Variants in CFAP57 observed in about 807,000 individuals in gnomAD.
The protein encoded by CFAP57 is cilia- and flagella-associated protein 57.
In CFAP57, 116 loss-of-function variants were observed where a neutral mutation model predicts 146.8. The ratio of observed to expected loss-of-function variants is 0.79; its 90% CI spans 0.68 to 0.92. CFAP57 has a LOEUF of 0.92. Among genes scored for constraint, CFAP57 ranks in the 40% least tolerant of loss-of-function variants. The probability of loss-of-function intolerance (pLI) is 0.00; values close to 1 mark genes in which losing one functional copy is unlikely to be tolerated. For missense variants in CFAP57, 1,377 were observed against 1,527.2 expected, an observed-to-expected ratio of 0.90 and a Z score of 1.64; for synonymous variants, 518 against 552.8, an observed-to-expected ratio of 0.94 and a Z score of 0.88.
chr1:43,197,414 A>G, intron 6 of CFAP57, 139 bp from the exon 7 acceptor site: 1 of 912,944 alleles, frequency 1.1e-6, no homozygotes, highest in East Asian at 2.5e-5. Flanking sequence ...GAAAATATGC[A>G]TAATATTCAA....
intron 5 of CFAP57, among the ~76,000 whole-genome samples, chr1:43,186,441 C>T (rs1320946459): frequency 6.6e-6 from 1 of 151,898 alleles, no homozygotes; most frequent in Non-Finnish European, 1.5e-5. Context: ...GAAACCCTGT[C>T]TCTACTAAAA....
intron 14 of CFAP57, 86 bp from the exon 15 acceptor site, chr1:43,222,019 G>A (rs918856595): frequency 1.3e-5 from 15 of 1,188,422 alleles, no homozygotes; most frequent in Admixed American, 6.7e-5. Context: ...GGTGCTGGAA[G>A]GGATGGGAGA....
At chr1:43,175,918 T>C (rs1460476455) in intron 2 of CFAP57, among the ~76,000 whole-genome samples, 1 of 151,838 alleles carries the variant, frequency 6.6e-6, no homozygotes, top group African/African-American at 2.4e-5. Flanking sequence ...AGTTCATTGC[T>C]TCTCTTTTCT....
intron 10 of CFAP57, among the ~76,000 whole-genome samples, chr1:43,209,415 G>C (rs927132003): frequency 6.6e-6 from 1 of 152,214 alleles, no homozygotes; most frequent in African/African-American, 2.4e-5. Context: ...CTGCCTCAGA[G>C]GGTTTCGTGA....
chr1:43,249,522 C>T lies in CFAP57; in HGVS notation c.3539-4455C>T, dbSNP rs563966374. On this transcript the variant is annotated intron_variant, in intron 22 of 22. Coordinates refer to ENST00000372492, the MANE Select transcript of CFAP57 (RefSeq NM_001378189.1). The stretch of plus-strand genomic sequence containing the variant: ...TCGGCTCACTGCAACCTCTGCCTCC[C>T]GGGTTCAAGCAATTCTCCTGCCTCA... Among the ~76,000 whole-genome samples the T allele has an allele frequency of 6.3e-4, 92 of 146,756 alleles. 2 individuals are homozygous for T. Among genetic ancestry groups the T allele is most frequent in the Middle Eastern group, 7.1e-3 (2 of 282 alleles).
intron 22 of CFAP57, among the ~76,000 whole-genome samples, chr1:43,249,088 G>T (rs867340929): frequency 1.3e-5 from 2 of 148,500 alleles, no homozygotes; most frequent in Middle Eastern, 3.4e-3. Context: ...TAGAGACGAG[G>T]TTTCACCATG....
At chr1:43,178,543 A>C (rs1392463203) in intron 2 of CFAP57, among the ~76,000 whole-genome samples, 2 of 152,266 alleles carry the variant, frequency 1.3e-5, no homozygotes, top group Non-Finnish European at 2.9e-5. Flanking sequence ...AATGCTCATC[A>C]TTACTGGCCA....
At chr1:43,202,146 T>TA (rs1353616855) in intron 9 of CFAP57, among the ~76,000 whole-genome samples, 1 of 152,180 alleles carries the variant, frequency 6.6e-6, no homozygotes, top group African/African-American at 2.4e-5. Flanking sequence ...CAAATACAGA[T>TA]ACAGGATGCA....
intron 13 of CFAP57, among the ~76,000 whole-genome samples, chr1:43,221,095 GA>G (rs549158442): frequency 0.034 from 5,228 of 152,254 alleles, 123 homozygotes; most frequent in Admixed American, 0.043. Context: ...TTTTCACCCA[GA>G]AGTCCTTTTG....
intron 22 of CFAP57, among the ~76,000 whole-genome samples, chr1:43,248,637 T>C (rs919739072): frequency 1.3e-5 from 2 of 152,074 alleles, no homozygotes; most frequent in Non-Finnish European, 2.9e-5. Flanking sequence ...AATTTTCATG[T>C]CCATAATTTG....
Position 43,199,510 on chromosome 1 carries a change from G to A in CFAP57, c.1542+7G>A. 6 of 1,613,820 alleles carry A rather than the reference G, an allele frequency of 3.7e-6. No homozygotes were observed. Among genetic ancestry groups the A allele is most frequent in the Non-Finnish European group, 5.1e-6 (6 of 1,179,710 alleles). On this transcript the variant is annotated splice_region_variant and intron_variant, in intron 9 of 22. Transcript: ENST00000372492. ...GAAAGGACACACAGGGAAGGTAAGTGAGTGAACAGTCTCTGGGGAAACAAG... is the reference window on the plus strand; with the variant it reads ...GAAAGGACACACAGGGAAGGTAAGTAAGTGAACAGTCTCTGGGGAAACAAG...
chr1:43,191,095 G>A (rs551115761), intron 6 of CFAP57, among the ~76,000 whole-genome samples: 1 of 151,896 alleles, frequency 6.6e-6, no homozygotes, highest in Non-Finnish European at 1.5e-5. Flanking sequence ...TCTGGGCCTG[G>A]GCTTTTCTTT....
At chr1:43,209,576 T>C (rs1644504277) in intron 10 of CFAP57, among the ~76,000 whole-genome samples, 167 bp from the exon 11 acceptor site, 1 of 152,184 alleles carries the variant, frequency 6.6e-6, no homozygotes, top group Admixed American at 6.5e-5. Flanking sequence ...AGTTTGCGCC[T>C]TTTTTTGTGC....
rs1464267954 is a variant in CFAP57 at position 43,248,814 on chromosome 1, T to C, written c.3539-5163T>C. 2.0e-5 allele frequency among the ~76,000 whole-genome samples: 3 copies of C among 152,118 alleles called. No homozygotes were observed. The East Asian group carries it at 5.8e-4, about 29-fold the overall frequency. ...AAGCAAGAAATCCTGAACTATCAGATATGAGCATTTTATACATGAGAACAA... is the reference window on the plus strand; with the variant it reads ...AAGCAAGAAATCCTGAACTATCAGACATGAGCATTTTATACATGAGAACAA... On this transcript the variant is annotated intron_variant, in intron 22 of 22. Transcript: ENST00000372492.
At chr1:43,232,392 G>A in intron 18 of CFAP57, 116 bp from the exon 19 acceptor site, 1 of 809,742 alleles carries the variant, frequency 1.2e-6, no homozygotes, top group Admixed American at 2.3e-5. Flanking sequence ...AAGGGGATGA[G>A]AAAAGAAATG....
chr1:43,186,501 C>T (rs552318116), intron 5 of CFAP57, among the ~76,000 whole-genome samples: 1 of 150,554 alleles, frequency 6.6e-6, no homozygotes, highest in Non-Finnish European at 1.5e-5. Context: ...GTCCCAGCTA[C>T]TCGGGAGGCT....
intron 2 of CFAP57, among the ~76,000 whole-genome samples, chr1:43,180,220 A>ATAT (rs1553169890): frequency 1.5e-5 from 2 of 132,478 alleles, no homozygotes; most frequent in East Asian, 4.4e-4. Flanking sequence ...AAATATATAT[A>ATAT]TTTTATATAT....
rs75093188 is a variant in CFAP57, at chr1:43,217,962, G to A, written c.2092-1420G>A. 8.5e-3 allele frequency among the ~76,000 whole-genome samples: 1,295 copies of A among 152,172 alleles called. 21 individuals are homozygous for A. Among genetic ancestry groups the A allele is most frequent in the African/African-American group, 0.028 (1,184 of 41,544 alleles). On this transcript the variant is annotated intron_variant, in intron 12 of 22. Transcript: ENST00000372492. ...CAACCTGTGCCATATCACATGCAGT[G>A]AGTGCCCTGGCCAGGCATTCCTGCT...
chr1:43,212,422 G>T (rs192543151), intron 11 of CFAP57, among the ~76,000 whole-genome samples: 1 of 152,034 alleles, frequency 6.6e-6, no homozygotes, highest in Non-Finnish European at 1.5e-5. Flanking sequence ...TTATTGATAC[G>T]TAGTATTTGT....
Sources: allele counts gnomAD v4.1 joint callset (sites outside exome capture counted in the v4.1 genomes callset), GRCh38; gene constraint gnomAD v4.1.1; transcripts MANE v1.5; gene names NCBI Gene and HGNC (gene_info 2026-07-23, HGNC 2026-07-21).